MALRD1: variants seen among roughly 807,000 people sequenced by gnomAD.
The protein encoded by MALRD1 is MAM and LDL receptor class A domain containing 1, also known as MAM and LDL-receptor class A domain-containing protein 1.
In MALRD1, 247 loss-of-function variants were observed where a neutral mutation model predicts 242.1. That is an observed-to-expected ratio of 1.02 (90% CI 0.92 to 1.13). The LOEUF (loss-of-function observed/expected upper bound fraction) is 1.13. MALRD1 is among the 50% of genes most tolerant of loss of function. The pLI, the probability that MALRD1 is intolerant of heterozygous loss-of-function variation, is 0.00. For missense variants in MALRD1, 2,989 were observed against 2,533.1 expected, an observed-to-expected ratio of 1.18 and a Z score of -3.86; for synonymous variants, 995 against 866.6, an observed-to-expected ratio of 1.15 and a Z score of -2.60.
intron 29 of MALRD1, among the ~76,000 whole-genome samples, chr10:19,487,343 C>T (rs986263493): frequency 1.5e-5 from 2 of 135,264 alleles, no homozygotes; most frequent in African/African-American, 2.8e-5. Flanking sequence ...AAAAAATATA[C>T]GTGAGGCTGT....
chr10:19,509,697 A>C (rs1043335690), intron 31 of MALRD1, among the ~76,000 whole-genome samples: 1 of 152,156 alleles, frequency 6.6e-6, no homozygotes, highest in Non-Finnish European at 1.5e-5. Context: ...AGACCATTTG[A>C]TACACAGTGA....
At chr10:19,337,158 A>G (rs10740876) in intron 24 of MALRD1, among the ~76,000 whole-genome samples, 84,512 of 151,712 alleles carry the variant, frequency 0.56, 23,694 homozygotes, top group Middle Eastern at 0.59. Flanking sequence ...GTGTATGTGT[A>G]TATGTACATA....
At chr10:19,701,663 T>TCTTCC (rs1264148397) in intron 38 of MALRD1, among the ~76,000 whole-genome samples, 3 of 151,126 alleles carry the variant, frequency 2.0e-5, no homozygotes, top group African/African-American at 7.3e-5. Context: ...TCTGTATTTC[T>TCTTCC]CTTCCCTTCC....
intron 24 of MALRD1, among the ~76,000 whole-genome samples, chr10:19,340,985 A>C (rs1343550605): frequency 6.6e-6 from 1 of 152,114 alleles, no homozygotes; most frequent in Non-Finnish European, 1.5e-5. Flanking sequence ...ATAATACAAA[A>C]AATTTTACAA....
At chr10:19,497,564 A>G (rs1339465760) in intron 30 of MALRD1, among the ~76,000 whole-genome samples, 1 of 152,074 alleles carries the variant, frequency 6.6e-6, no homozygotes, top group Non-Finnish European at 1.5e-5. Flanking sequence ...TTTAGTATCT[A>G]TTCTTACAGC....
intron 22 of MALRD1, among the ~76,000 whole-genome samples, chr10:19,327,040 C>T (rs1370351238): frequency 6.6e-6 from 1 of 151,990 alleles, no homozygotes; most frequent in East Asian, 1.9e-4. Context: ...TGTTTCATGG[C>T]TGTTGGGCAG....
intron 36 of MALRD1, among the ~76,000 whole-genome samples, chr10:19,640,085 TTTTTAA>T (rs1246106621): frequency 6.6e-6 from 1 of 152,112 alleles, no homozygotes; most frequent in Non-Finnish European, 1.5e-5. Flanking sequence ...ATTGTCTTCT[TTTTTAA>T]TTTTATTTTT....
intron 24 of MALRD1, among the ~76,000 whole-genome samples, chr10:19,345,603 T>C (rs1844080645): frequency 1.3e-5 from 2 of 152,182 alleles, no homozygotes; most frequent in South Asian, 4.1e-4. Context: ...ATTTGAAAAC[T>C]GAATTAGCAA....
chr10:19,406,112 G>A (rs1160565626), intron 28 of MALRD1, among the ~76,000 whole-genome samples: 2 of 152,134 alleles, frequency 1.3e-5, no homozygotes. Context: ...TATAACATGA[G>A]TTGCAAATTG....
At chr10:19,664,282 T>G (rs184317993) in intron 36 of MALRD1, among the ~76,000 whole-genome samples, 1 of 152,276 alleles carries the variant, frequency 6.6e-6, no homozygotes, top group East Asian at 1.9e-4. Context: ...ATTTAATGAT[T>G]AATTAGATCT....
intron 31 of MALRD1, among the ~76,000 whole-genome samples, chr10:19,529,715 T>C (rs1247857517): frequency 2.0e-5 from 3 of 151,998 alleles, no homozygotes; most frequent in African/African-American, 7.2e-5. Context: ...CAACTATATA[T>C]TGTCAGTAAG....
At chr10:19,212,058 C>A (rs1254170358) in intron 18 of MALRD1, among the ~76,000 whole-genome samples, 1 of 152,094 alleles carries the variant, frequency 6.6e-6, no homozygotes, top group Non-Finnish European at 1.5e-5. Flanking sequence ...AGTAAAGGCT[C>A]AGGAAATCAT....
chr10:19,401,760 A>T (rs1030296333), intron 28 of MALRD1, among the ~76,000 whole-genome samples: 11 of 152,154 alleles, frequency 7.2e-5, no homozygotes, highest in African/African-American at 2.7e-4. Context: ...AGTCAGTGGC[A>T]GCCAACAGGC....
intron 38 of MALRD1, among the ~76,000 whole-genome samples, chr10:19,725,137 G>A (rs1834959952): frequency 6.6e-6 from 1 of 152,156 alleles, no homozygotes; most frequent in South Asian, 2.1e-4. Flanking sequence ...TTGTCGAGAC[G>A]TTAATACTAA....
chr10:19,177,872 A>G (rs984254065), intron 14 of MALRD1, among the ~76,000 whole-genome samples: 5 of 152,008 alleles, frequency 3.3e-5, no homozygotes, highest in Non-Finnish European at 7.4e-5. Context: ...ACAGGAAAGG[A>G]CCCCTCTAGA....
rs955760051 is a variant in MALRD1 at position 19,136,525 on chromosome 10, C to G, written c.1204-49C>G. 8 of 1,083,216 alleles carry G rather than the reference C, an allele frequency of 7.4e-6. No individual in the cohort carries two copies. In the Admixed American group the frequency reaches 3.4e-4, roughly 46 times the overall value. The allele number at this position is 1,083,216 out of a possible 1,614,324, so 67.1% of individuals were successfully genotyped here. On this transcript the variant is annotated intron_variant, in intron 9 of 39. Coordinates refer to ENST00000454679, the MANE Select transcript of MALRD1 (RefSeq NM_001142308.3). ...TTATCAACCTTCTTTAGTTTTTTGT[C>G]TTATTAAGGAGATTGCAAACTCATA... is the stretch of plus-strand genomic sequence containing the variant.
In MALRD1 at chr10:19,237,604, A is replaced by ATTT. The variant is rs1838394820; in HGVS notation, c.2992-20080_2992-20079insTTT. On this transcript the variant is annotated intron_variant, in intron 18 of 39. Transcript: ENST00000454679. Reference sequence around the variant, plus strand: ...TATAATTATATAATTATATAATTATAATTATAATTATATAATTATATAATT... The same window carrying ATTT: ...TATAATTATATAATTATATAATTATATTTATTATAATTATATAATTATATAATT... Among the ~76,000 whole-genome samples the ATTT allele has an allele frequency of 1.8e-4, 13 of 72,196 alleles. No individual in the cohort carries two copies. The Admixed American group carries it at 3.5e-3, about 20-fold the overall frequency. The allele number at this position is 72,196 out of a possible 152,430, so 47.4% of individuals were successfully genotyped here. A position where few individuals can be genotyped will look rare whatever the true frequency, so the allele number is the denominator to read the frequency against.
chr10:19,533,476 G>A (rs1834519552), intron 32 of MALRD1, among the ~76,000 whole-genome samples: 1 of 152,122 alleles, frequency 6.6e-6, no homozygotes, highest in African/African-American at 2.4e-5. Context: ...TTGCTGTAAA[G>A]AAATACCTGA....
intron 29 of MALRD1, among the ~76,000 whole-genome samples, chr10:19,459,903 G>A (rs1165955391): frequency 1.3e-5 from 2 of 151,728 alleles, no homozygotes; most frequent in Non-Finnish European, 2.9e-5. Context: ...TTTTAGTAAG[G>A]CTTAAATAGC....
Sources: gnomAD v4.1 joint callset for allele counts (sites outside exome capture counted in the v4.1 genomes callset) on GRCh38, gnomAD v4.1.1 for gene constraint, MANE v1.5 for transcripts, NCBI Gene and HGNC (gene_info 2026-07-23, HGNC 2026-07-21) for gene names.